The following KNL1 variants were observed in gnomAD, a reference collection of about 807,000 sequenced individuals.
The protein encoded by KNL1 is outer kinetochore KNL1 complex subunit KNL1.
KNL1 carries 66 observed loss-of-function variants against 201.3 expected under a neutral mutation model. The ratio of observed to expected loss-of-function variants is 0.33; its 90% CI spans 0.27 to 0.40. The LOEUF is 0.40. Ranked by LOEUF, KNL1 falls within the 10% of genes least tolerant of loss-of-function variation. The pLI, the probability that KNL1 is intolerant of heterozygous loss-of-function variation, is 1.00. For missense variants in KNL1, 2,815 were observed against 2,690.5 expected (o/e 1.05, Z -1.02); for synonymous variants, 895 against 899.2 (o/e 1.00, Z 0.08).
Position 40,621,370 on chromosome 15 carries a change from A to G in KNL1, c.1106A>G (p.Asn369Ser). ...AAAACAGTTTTTAAGAGTAAACAAA[A>G]TACTGCTTTTCAAGACCTTTCCATA... Reference protein sequence around the residue: ...GNKTVFKSKQNTAFQDLSINS... With the variant: ...GNKTVFKSKQSTAFQDLSINS... The change falls in exon 10 of 26, where the codon AAT becomes AGT. Residue 369 changes from asparagine to serine, a missense_variant. Around this residue, in one of 3 missense-constraint regions of KNL1, gnomAD observed 2,464 missense variants for 2,291.7 expected, o/e 1.08. Transcript: ENST00000399668. 6.2e-7 allele frequency: 1 copy of G among 1,611,486 alleles called. No homozygotes were observed. Among genetic ancestry groups the G allele is most frequent in the Non-Finnish European group, 8.5e-7 (1 of 1,178,518 alleles).
intron 14 of KNL1, among the ~76,000 whole-genome samples, chr15:40,642,078 A>G (rs1219243291): frequency 6.6e-6 from 1 of 152,204 alleles, no homozygotes; most frequent in Non-Finnish European, 1.5e-5. Flanking sequence ...AGTAGAAGGA[A>G]AAGAATATTA....
At chr15:40,661,832 G>C (rs1392231499) in intron 25 of KNL1, among the ~76,000 whole-genome samples, 1 of 152,046 alleles carries the variant, frequency 6.6e-6, no homozygotes, top group Admixed American at 6.6e-5. Context: ...CACAAGGCCA[G>C]GAGATCGAGA....
At chr15:40,661,180 C>T (rs1420256658) in intron 25 of KNL1, among the ~76,000 whole-genome samples, 1 of 151,844 alleles carries the variant, frequency 6.6e-6, no homozygotes, top group Non-Finnish European at 1.5e-5. Flanking sequence ...TTGACACCAG[C>T]CTGGCCAACA....
At position 40,662,032 on chromosome 15, in the gene KNL1, C is replaced by T. The variant is rs756087461; in HGVS notation, c.6837-42C>T. 2.0e-5 allele frequency: 24 copies of T among 1,171,440 alleles called. No individual in the cohort carries two copies. In the African/African-American group the frequency reaches 3.3e-4, roughly 16 times the overall value. 72.6% of individuals were successfully genotyped at this position (1,171,440 alleles called of 1,614,324 possible). On this transcript the variant is annotated intron_variant, in intron 25 of 25. Transcript: ENST00000399668. Reference sequence around the variant, plus strand: ...CCAGCCTGGGCGACAGAGCGAGACTCCGTCGCAAAAAAGAAAATTGATTAA... The same window carrying T: ...CCAGCCTGGGCGACAGAGCGAGACTTCGTCGCAAAAAAGAAAATTGATTAA...
At chr15:40,662,044 A>G (rs1228865064) in intron 25 of KNL1, 30 bp from the exon 26 acceptor site, 1 of 1,375,902 alleles carries the variant, frequency 7.3e-7, no homozygotes, top group South Asian at 1.2e-5. Flanking sequence ...GTCGCAAAAA[A>G]GAAAATTGAT....
chr15:40,625,254 A>G lies in KNL1; in HGVS notation c.4990A>G (p.Ser1664Gly), dbSNP rs779930879. 1 of 1,614,102 alleles carries G rather than the reference A, an allele frequency of 6.2e-7. No individual in the cohort carries two copies. The highest frequency in any genetic ancestry group is 1.1e-5 in the South Asian group (1 of 91,072). The change falls in exon 10 of 26, where the codon AGT becomes GGT. Residue 1664 changes from serine (S) to glycine (G), a missense_variant. This residue lies in a region of KNL1 where 2,464 missense variants were observed against 2,291.7 expected (regional missense o/e 1.08). Transcript: ENST00000399668. ...TAGATTGCCCAACAAGAGAAATTGT[A>G]GTGTCACTGGTATTGATGACCTGGA... Reference protein sequence around the residue: ...LPRLPNKRNCSVTGIDDLEQI... With the variant: ...LPRLPNKRNCGVTGIDDLEQI...
intron 14 of KNL1, among the ~76,000 whole-genome samples, chr15:40,642,711 G>A (rs1054531515): frequency 3.3e-5 from 5 of 152,026 alleles, no homozygotes; most frequent in African/African-American, 9.7e-5. Flanking sequence ...CACTGCAAGC[G>A]CTGCATCCTG....
chr15:40,650,727 C>T, intron 19 of KNL1, 144 bp downstream of exon 19: 1 of 654,446 alleles, frequency 1.5e-6, no homozygotes. Context: ...GAATGGAAAC[C>T]TAGAGTCCAT....
rs529552166 is a variant in KNL1, at chr15:40,624,846, G to A, written c.4582G>A (p.Val1528Ile). Reference sequence around the variant, plus strand: ...TCTAGATTTCCACAGTAACTCAGACGTAACTAAGCAAGTCATTCAAACTCA... The same window carrying A: ...TCTAGATTTCCACAGTAACTCAGACATAACTAAGCAAGTCATTCAAACTCA... ...TALDFHSNSD[V>I]TKQVIQTHVN... Residue 1528 changes from valine (V) to isoleucine (I), a missense_variant, in exon 10 of 26, where the codon GTA becomes ATA. Around this residue, in one of 3 missense-constraint regions of KNL1, gnomAD observed 2,464 missense variants for 2,291.7 expected, o/e 1.08. Coordinates refer to ENST00000399668, the MANE Select transcript of KNL1 (RefSeq NM_144508.5). 10 of 1,612,726 alleles carry A rather than the reference G, an allele frequency of 6.2e-6. No homozygotes were observed. The highest frequency in any genetic ancestry group is 5.3e-5 in the African/African-American group (4 of 74,996).
At chr15:40,659,188 T>G (rs1397284520) in intron 24 of KNL1, 151 bp from the exon 25 acceptor site, 2 of 471,364 alleles carry the variant, frequency 4.2e-6, no homozygotes, top group Non-Finnish European at 7.5e-6. Flanking sequence ...TCGATAGAAC[T>G]TGGGAGGTGG....
Position 40,622,385 on chromosome 15 carries a change from G to A in KNL1, c.2121G>A (p.Gln707=), listed in dbSNP as rs753405027. Residue 707 remains glutamine (Q), a synonymous_variant, in exon 10 of 26, where the codon CAG becomes CAA. Coordinates refer to ENST00000399668, the MANE Select transcript of KNL1 (RefSeq NM_144508.5). ...STTKPLFSSG[Q]FSMKNHDTAI... is the part of the protein sequence containing the mutation. ...CAAAGCCATTATTTTCATCAGGACA[G>A]TTCTCTATGAAAAATCATGATACTG... is the stretch of plus-strand genomic sequence containing the variant. 2 of 1,613,634 alleles carry A rather than the reference G, an allele frequency of 1.2e-6. No homozygotes were observed. The highest frequency in any genetic ancestry group is 2.2e-5 in the East Asian group (1 of 44,884).
rs1324272394 is a variant in KNL1 at position 40,624,389 on chromosome 15, C to G, written c.4125C>G (p.Thr1375=). ...LEKEEVIQTS[T]KGQLDCVITL... Reference sequence around the variant, plus strand: ...AGGAAGAAGTTATTCAAACCAGTACCAAAGGACAGTTAGACTGTGTTATAA... The same window carrying G: ...AGGAAGAAGTTATTCAAACCAGTACGAAAGGACAGTTAGACTGTGTTATAA... Residue 1375 remains threonine, a synonymous_variant, in exon 10 of 26, where the codon ACC becomes ACG. Coordinates refer to ENST00000399668, the MANE Select transcript of KNL1 (RefSeq NM_144508.5). The G allele has an allele frequency of 1.2e-6, 2 of 1,613,934 alleles. No homozygotes were observed. Among genetic ancestry groups the G allele is most frequent in the East Asian group, 4.5e-5 (2 of 44,876 alleles).
intron 18 of KNL1, 23 bp from the exon 19 acceptor site, chr15:40,650,517 GTTTT>G: frequency 4.9e-6 from 7 of 1,417,260 alleles, no homozygotes; most frequent in East Asian, 5.1e-5. Context: ...TGTTTGTTCT[GTTTT>G]TTTTTTTTTT....
chr15:40,651,639 G>C, intron 20 of KNL1, 67 bp downstream of exon 20: 1 of 1,090,974 alleles, frequency 9.2e-7, no homozygotes, highest in Non-Finnish European at 1.3e-6. Flanking sequence ...AAACCGATTG[G>C]AGCAATTGAT....
chr15:40,611,451 CA>C (rs1490982564), intron 6 of KNL1, 26 bp from the exon 7 acceptor site: 2 of 224,862 alleles, frequency 8.9e-6, no homozygotes, highest in African/African-American at 4.7e-5. Flanking sequence ...TATCCTTGGA[CA>C]AATTTAATTT....
intron 14 of KNL1, among the ~76,000 whole-genome samples, chr15:40,644,107 G>A (rs1397012622): frequency 2.6e-5 from 4 of 152,160 alleles, no homozygotes; most frequent in Non-Finnish European, 5.9e-5. Flanking sequence ...CACTGGCACC[G>A]GTCTCTGAGT....
intron 7 of KNL1, among the ~76,000 whole-genome samples, chr15:40,612,336 A>C (rs564420366): frequency 4.8e-4 from 72 of 149,034 alleles, no homozygotes; most frequent in South Asian, 1.7e-3. Flanking sequence ...AAAAAACCCC[A>C]AAAAATTAGC....
chr15:40,606,844 C>T (rs1891992335), intron 4 of KNL1, among the ~76,000 whole-genome samples: 2 of 152,164 alleles, frequency 1.3e-5, no homozygotes, highest in African/African-American at 4.8e-5. Flanking sequence ...ACTGCAACCT[C>T]CTCCCCCTGG....
At position 40,622,023 on chromosome 15, in the gene KNL1, C is replaced by G. The variant is rs746667746; in HGVS notation, c.1759C>G (p.Pro587Ala). ...CACAAGTAACTTAGGAAGTCAGGTT[C>G]CTCTTGCAGCTTATAATCTAGCACC... ...SHTSNLGSQV[P>A]LAAYNLAPES... The change falls in exon 10 of 26, where the codon CCT (proline) becomes GCT (alanine). Residue 587 changes from proline to alanine, a missense_variant. Transcript: ENST00000399668. The G allele has an allele frequency of 3.1e-6, 5 of 1,613,922 alleles. No individual in the cohort carries two copies. The African/African-American group carries it at 6.7e-5, about 22-fold the overall frequency.
Sources: allele counts gnomAD v4.1 joint callset (sites outside exome capture counted in the v4.1 genomes callset), GRCh38; gene constraint gnomAD v4.1.1; regional missense constraint gnomAD v4.1.1; transcripts MANE v1.5; gene names NCBI Gene and HGNC (gene_info 2026-07-23, HGNC 2026-07-21).